The following EIPR1 variants were observed in gnomAD, a reference collection of about 807,000 sequenced individuals.
EIPR1 encodes EARP and GARP complex-interacting protein 1.
EIPR1 carries 25 observed loss-of-function variants against 48.1 expected under a neutral mutation model. The ratio of observed to expected loss-of-function variants is 0.52; its 90% confidence interval spans 0.38 to 0.73. The LOEUF is 0.73. Ranked by LOEUF, EIPR1 falls within the 30% of genes least tolerant of loss-of-function variation. EIPR1 has a pLI of 0.00. For synonymous variants in EIPR1, 204 were observed against 201.9 expected (o/e 1.01, Z -0.09); for missense variants, 415 against 506.2 (o/e 0.82, Z 1.73).
chr2:3,351,790 C>T (rs756898974), intron 2 of EIPR1, among the ~76,000 whole-genome samples: 1 of 152,222 alleles, frequency 6.6e-6, no homozygotes, highest in Non-Finnish European at 1.5e-5. Flanking sequence ...CCCACCTCAT[C>T]CCAATTTGAG....
intron 3 of EIPR1, among the ~76,000 whole-genome samples, chr2:3,308,799 C>G (rs375033366): frequency 3.5e-4 from 53 of 152,302 alleles, no homozygotes; most frequent in African/African-American, 1.3e-3. Context: ...AAGTTCTCAC[C>G]CGAAACCAGA....
chr2:3,349,560 T>C (rs917911064), intron 2 of EIPR1, among the ~76,000 whole-genome samples: 65 of 152,072 alleles, frequency 4.3e-4, no homozygotes, highest in African/African-American at 1.5e-3. Context: ...GGGAGGATGC[T>C]GCCAGACAGG....
intron 3 of EIPR1, among the ~76,000 whole-genome samples, chr2:3,337,484 C>A (rs539998235): frequency 2.6e-5 from 4 of 152,134 alleles, no homozygotes; most frequent in Non-Finnish European, 5.9e-5. Context: ...ACAAGGAGAA[C>A]TGGGGAAGAG....
chr2:3,294,587 A>G (rs1024602928), intron 3 of EIPR1, among the ~76,000 whole-genome samples: 2 of 136,184 alleles, frequency 1.5e-5, no homozygotes, highest in Admixed American at 1.5e-4. Flanking sequence ...CTCTGCACAC[A>G]TACACCCTCC....
chr2:3,287,081 G>T (rs1368632462), intron 3 of EIPR1, among the ~76,000 whole-genome samples: 1 of 152,116 alleles, frequency 6.6e-6, no homozygotes, highest in Non-Finnish European at 1.5e-5. Flanking sequence ...GCCGGCAGAG[G>T]GGGTGGTGGG....
chr2:3,232,801 T>G (rs1214727541), intron 4 of EIPR1, among the ~76,000 whole-genome samples: 1 of 152,224 alleles, frequency 6.6e-6, no homozygotes, highest in African/African-American at 2.4e-5. Context: ...TCTGTTTCTG[T>G]GTGTGTCCCT....
chr2:3,377,598 G>A (rs1388891994), intron 1 of EIPR1, 50 bp downstream of exon 1: 10 of 1,553,384 alleles, frequency 6.4e-6, no homozygotes, highest in African/African-American at 1.4e-5. Flanking sequence ...GACCGCGCAT[G>A]CTATCAACAG....
In EIPR1 at chr2:3,377,798, C is replaced by T. The variant is rs1156872644; in HGVS notation, c.-109G>A. The T allele has an allele frequency of 3.8e-6, 5 of 1,300,168 alleles. No homozygotes were observed. In the African/African-American group the frequency reaches 4.4e-5, roughly 11 times the overall value. 80.5% of individuals were successfully genotyped at this position (1,300,168 alleles called of 1,614,324 possible). Reference sequence around the variant, plus strand: ...TCCCAGCGCCCATTCATTCCCTCCCCGCAGCAAACGACTCCAAACTGGAAG... The same window carrying T: ...TCCCAGCGCCCATTCATTCCCTCCCTGCAGCAAACGACTCCAAACTGGAAG... On this transcript the variant is annotated 5_prime_UTR_variant, in exon 1 of 9. Coordinates refer to ENST00000382125, the MANE Select transcript of EIPR1 (RefSeq NM_003310.5).
intron 1 of EIPR1, among the ~76,000 whole-genome samples, chr2:3,359,867 C>T (rs1670812453): frequency 6.6e-6 from 1 of 152,170 alleles, no homozygotes; most frequent in African/African-American, 2.4e-5. Flanking sequence ...GCACAGAAGA[C>T]AGGATGCAGA....
chr2:3,200,420 T>G (rs1333338304), intron 5 of EIPR1, among the ~76,000 whole-genome samples: 1 of 152,156 alleles, frequency 6.6e-6, no homozygotes, highest in Non-Finnish European at 1.5e-5. Context: ...TCTACTGTCG[T>G]ATGTGCCAAG....
intron 3 of EIPR1, among the ~76,000 whole-genome samples, chr2:3,274,652 T>A (rs2103249958): frequency 6.6e-6 from 1 of 151,802 alleles, no homozygotes. Flanking sequence ...AAAAAAAAAT[T>A]AAGCGAAATA....
At chr2:3,208,432 A>G in intron 5 of EIPR1, 1 of 1,475,130 alleles carries the variant, frequency 6.8e-7, no homozygotes, top group Non-Finnish European at 9.0e-7. Flanking sequence ...ACCTTCAGAC[A>G]CTTCCTCTGC....
intron 4 of EIPR1, among the ~76,000 whole-genome samples, chr2:3,239,954 C>A (rs2694100): frequency 0.91 from 137,756 of 150,936 alleles, 63,334 homozygotes; most frequent in East Asian, 0.97. Context: ...AGCCAGCAGA[C>A]CCTTCCTAAA....
intron 3 of EIPR1, among the ~76,000 whole-genome samples, chr2:3,330,993 G>A (rs1032338176): frequency 3.7e-5 from 5 of 136,810 alleles, no homozygotes; most frequent in Non-Finnish European, 6.3e-5. Flanking sequence ...GGTGTGAGCA[G>A]ACAGGTGCAC....
chr2:3,356,161 G>A (rs369836120), intron 1 of EIPR1, among the ~76,000 whole-genome samples: 161 of 152,346 alleles, frequency 1.1e-3, no homozygotes, highest in African/African-American at 3.5e-3. Flanking sequence ...GATGGCCGGG[G>A]TTTTATACCA....
At chr2:3,232,451 C>T (rs1198289628) in intron 4 of EIPR1, among the ~76,000 whole-genome samples, 1 of 152,056 alleles carries the variant, frequency 6.6e-6, no homozygotes, top group Non-Finnish European at 1.5e-5. Context: ...CTATTAAATT[C>T]CTTCTTAGAC....
chr2:3,200,270 C>G (rs1375811265), intron 5 of EIPR1, among the ~76,000 whole-genome samples: 3 of 152,148 alleles, frequency 2.0e-5, no homozygotes, highest in Admixed American at 2.0e-4. Context: ...CCCGGCCCAG[C>G]TCCCCTGTGC....
chr2:3,363,291 G>A (rs866596821), intron 1 of EIPR1, among the ~76,000 whole-genome samples: 1 of 151,664 alleles, frequency 6.6e-6, no homozygotes, highest in South Asian at 2.1e-4. Flanking sequence ...ATCAAAGGAT[G>A]GAAAACACAA....
chr2:3,359,613 A>C (rs888639695), intron 1 of EIPR1, among the ~76,000 whole-genome samples: 1 of 152,192 alleles, frequency 6.6e-6, no homozygotes, highest in Non-Finnish European at 1.5e-5. Flanking sequence ...GTGAAATAAA[A>C]AGTTTAATTT....
Sources: gnomAD v4.1 joint callset for allele counts (sites outside exome capture counted in the v4.1 genomes callset) on GRCh38, gnomAD v4.1.1 for gene constraint, MANE v1.5 for transcripts, NCBI Gene and HGNC (gene_info 2026-07-23, HGNC 2026-07-21) for gene names.